The following PRKAR1A variants were observed in gnomAD, a reference collection of about 807,000 sequenced individuals.
The protein encoded by PRKAR1A is protein kinase cAMP-dependent type I regulatory subunit alpha.
PRKAR1A carries 3 observed loss-of-function variants against 52.0 expected under a neutral mutation model. The observed-to-expected ratio is 0.06, with a 90% CI of 0.03 to 0.15. The LOEUF is 0.15. PRKAR1A is among the 10% of genes least tolerant of loss of function. The pLI, the probability that PRKAR1A is intolerant of heterozygous loss-of-function variation, is 1.00. For missense variants in PRKAR1A, 240 were observed against 477.4 expected (o/e 0.50, Z 4.63); for synonymous variants, 188 against 168.4 (o/e 1.12, Z -0.90).
At chr17:68,518,842 T>C (rs1415028513) in intron 2 of PRKAR1A, among the ~76,000 whole-genome samples, 2 of 152,246 alleles carry the variant, frequency 1.3e-5, no homozygotes, top group African/African-American at 4.8e-5. Flanking sequence ...TCCTCTTGAA[T>C]GCTTTCCTGC....
At chr17:68,486,502 CTTCCTTCTTTCT>C in the PRKAR1A span, among the ~76,000 whole-genome samples, 2,151 of 42,222 alleles carry the variant, frequency 0.051, 16 homozygotes, top group Middle Eastern at 0.086. Context: ...TCCTTCCTTC[CTTCCTTCTTTCT>C]TTCTTTCTTT....
At position 68,533,224 on chromosome 17, in the gene PRKAR1A, TGAG is replaced by T. The variant is rs1157228441; in HGVS notation, c.*2779_*2781del. Reference sequence around the variant, plus strand: ...CTTATTTCTGATGCTCTTAGATTTCTGAGGAGTGAGATGATTAAGTTGTATTCA... The same window carrying T: ...CTTATTTCTGATGCTCTTAGATTTCTGAGTGAGATGATTAAGTTGTATTCA... On this transcript the variant is annotated 3_prime_UTR_variant, in exon 11 of 11. Coordinates refer to ENST00000589228, the MANE Select transcript of PRKAR1A (RefSeq NM_002734.5). 3.8e-6 allele frequency: 4 copies of T among 1,059,386 alleles called. No homozygotes were observed. Among genetic ancestry groups the T allele is most frequent in the Non-Finnish European group, 4.6e-6 (4 of 874,140 alleles). The allele number at this position is 1,059,386 out of a possible 1,614,324, so 65.6% of individuals were successfully genotyped here.
chr17:68,416,641 T>C, the PRKAR1A span, among the ~76,000 whole-genome samples: 1 of 152,168 alleles, frequency 6.6e-6, no homozygotes, highest in Non-Finnish European at 1.5e-5. Flanking sequence ...ATCCCAGCCT[T>C]CTTGGAGGCT....
Position 68,523,755 on chromosome 17 carries a change from G to C in PRKAR1A, c.379G>C (p.Ala127Pro). 1 of 1,613,582 alleles carries C rather than the reference G, an allele frequency of 6.2e-7. No homozygotes were observed. The highest frequency in any genetic ancestry group is 8.5e-7 in the Non-Finnish European group (1 of 1,179,908). Residue 127 changes from alanine to proline, a missense_variant, in exon 4 of 11, where the codon GCT (alanine) becomes CCT (proline). This residue lies in a region of PRKAR1A where 107 missense variants were observed against 290.9 expected (regional missense o/e 0.37). Coordinates refer to ENST00000589228, the MANE Select transcript of PRKAR1A (RefSeq NM_002734.5). ...VIPKDYKTMAALAKAIEKNVL... is the reference protein window; with the variant it reads ...VIPKDYKTMAPLAKAIEKNVL... ...ACCAAAAGATTACAAGACAATGGCC[G>C]CTTTAGCCAAAGCCATTGAAAAGAA... is the stretch of plus-strand genomic sequence containing the variant.
chr17:68,545,939 G>A (rs1350540484), intron 11 of PRKAR1A, among the ~76,000 whole-genome samples: 1 of 152,148 alleles, frequency 6.6e-6, no homozygotes, highest in African/African-American at 2.4e-5. Flanking sequence ...GGAGGCTGAG[G>A]CAGGTGGATC....
the PRKAR1A span, among the ~76,000 whole-genome samples, chr17:68,433,760 GTTTTTTTTTTTTTTTTTTTTTTTTTTT>G: frequency 1.4e-5 from 1 of 72,814 alleles, no homozygotes; most frequent in Non-Finnish European, 2.3e-5. Context: ...AAGGGTCATA[GTTTTTTTTTTTTTTTTTTTTTTTTTTT>G]TTTTTTTTTT....
At chr17:68,528,773 G>C in intron 8 of PRKAR1A, 97 bp from the exon 9 acceptor site, 1 of 1,475,612 alleles carries the variant, frequency 6.8e-7, no homozygotes, top group Non-Finnish European at 9.5e-7. Context: ...AATGTTGAAT[G>C]GGCATGGCTA....
At chr17:68,511,851 C>T (rs2085271277), upstream of PRKAR1A, 1 of 152,088 alleles carries the variant, frequency 6.6e-6, no homozygotes, top group Non-Finnish European at 1.5e-5. Flanking sequence ...GGGCCGCCAC[C>T]TCCTCCGGGG....
the PRKAR1A span, among the ~76,000 whole-genome samples, chr17:68,473,220 AAT>A: frequency 6.6e-6 from 1 of 152,168 alleles, no homozygotes; most frequent in African/African-American, 2.4e-5. Context: ...GAAATATTAG[AAT>A]GTCATTGTAC....
chr17:68,420,226 G>C, the PRKAR1A span: 1 of 1,614,192 alleles, frequency 6.2e-7, no homozygotes, highest in Non-Finnish European at 8.5e-7. Context: ...CGGGGCCTGA[G>C]CTGCAGCATA....
At chr17:68,428,050 C>T in the PRKAR1A span, among the ~76,000 whole-genome samples, 2 of 151,916 alleles carry the variant, frequency 1.3e-5, no homozygotes, top group Admixed American at 1.3e-4. Flanking sequence ...TACCACCATG[C>T]CTGGCTAATT....
chr17:68,455,549 G>C, the PRKAR1A span, among the ~76,000 whole-genome samples: 2 of 152,120 alleles, frequency 1.3e-5, no homozygotes, highest in Non-Finnish European at 2.9e-5. Flanking sequence ...TAAGGGGCTT[G>C]ACTTATTTTA....
Position 68,527,822 on chromosome 17 carries a change from T to C in PRKAR1A, c.709-18T>C, listed in dbSNP as rs80073901. 25 of 1,591,930 alleles carry C rather than the reference T, an allele frequency of 1.6e-5. No homozygotes were observed. Among genetic ancestry groups the C allele is most frequent in the Non-Finnish European group, 2.0e-5 (23 of 1,160,708 alleles). On this transcript the variant is annotated intron_variant, in intron 7 of 10. Transcript: ENST00000589228. The stretch of plus-strand genomic sequence containing the variant: ...TTACACGTCTTGGGGATATCACTTT[T>C]GTTATTTTTATTTTTAGGGAAGCAC...
Position 68,530,287 on chromosome 17 carries a change from A to C in PRKAR1A, c.984A>C (p.Ala328=). 2 of 1,614,140 alleles carry C rather than the reference A, an allele frequency of 1.2e-6. No individual in the cohort carries two copies. The highest frequency in any genetic ancestry group is 1.7e-6 in the Non-Finnish European group (2 of 1,180,004). ...LGPSDYFGEI[A]LLMNRPRAAT... is the part of the protein sequence containing the mutation. ...CTTTGCTTTCTCCAGGTGAAATTGCACTACTGATGAATCGTCCTCGTGCTG... is the reference window on the plus strand; with the variant it reads ...CTTTGCTTTCTCCAGGTGAAATTGCCCTACTGATGAATCGTCCTCGTGCTG... Residue 328 remains alanine, a synonymous_variant, in exon 11 of 11, where the codon GCA becomes GCC. Transcript: ENST00000589228.
the PRKAR1A span, among the ~76,000 whole-genome samples, chr17:68,438,579 G>C: frequency 5.9e-5 from 9 of 152,324 alleles, no homozygotes; most frequent in South Asian, 1.7e-3. Flanking sequence ...GTGTGTAACT[G>C]CTGAAGGTTT....
Position 68,530,708 on chromosome 17 carries a change from A to AC in PRKAR1A, c.*262dup. The stretch of plus-strand genomic sequence containing the variant: ...TTCTCTTTGTGCAGTGTTAGTATTC[A>AC]CCCTGGGCAGTGAGTGCCATGCTTT... On this transcript the variant is annotated 3_prime_UTR_variant, in exon 11 of 11. Transcript: ENST00000589228. 7.3e-7 allele frequency: 1 copy of AC among 1,376,292 alleles called. No homozygotes were observed. Among genetic ancestry groups the AC allele is most frequent in the Non-Finnish European group, 9.4e-7 (1 of 1,061,580 alleles). The allele number at this position is 1,376,292 out of a possible 1,614,324, so 85.3% of individuals were successfully genotyped here.
the PRKAR1A span, chr17:68,424,460 T>C: frequency 1.9e-6 from 1 of 534,752 alleles, no homozygotes; most frequent in South Asian, 1.4e-5. Context: ...AATTGGAAGC[T>C]CAATGGACAC....
the PRKAR1A span, among the ~76,000 whole-genome samples, chr17:68,466,224 C>T: frequency 1.3e-5 from 2 of 152,120 alleles, no homozygotes; most frequent in East Asian, 1.9e-4. Flanking sequence ...ATGCCTCGCA[C>T]GTGCGGGGAC....
chr17:68,548,268 GC>G (rs2086659353), intron 11 of PRKAR1A, among the ~76,000 whole-genome samples: 1 of 151,946 alleles, frequency 6.6e-6, no homozygotes, highest in Admixed American at 6.6e-5. Context: ...GGTGGCACAC[GC>G]CTATAATCCC....
Sources: allele counts gnomAD v4.1 joint callset (sites outside exome capture counted in the v4.1 genomes callset), GRCh38; gene constraint gnomAD v4.1.1; regional missense constraint gnomAD v4.1.1; transcripts MANE v1.5; gene names NCBI Gene and HGNC (gene_info 2026-07-23, HGNC 2026-07-21).